TMEM132B: variants seen among roughly 807,000 people sequenced by gnomAD.
The protein encoded by TMEM132B is transmembrane protein 132B.
A neutral mutation model predicts 90.8 loss-of-function variants in TMEM132B; 18 were observed. The ratio of observed to expected loss-of-function variants is 0.20; its 90% CI spans 0.14 to 0.29. The LOEUF is 0.29. TMEM132B is among the 10% of genes least tolerant of loss of function. The probability of loss-of-function intolerance (pLI) is 1.00; values close to 1 mark genes in which losing one functional copy is unlikely to be tolerated. For synonymous variants in TMEM132B, 504 were observed against 523.3 expected, an observed-to-expected ratio of 0.96 and a Z score of 0.50; for missense variants, 1,096 against 1,326.8, an observed-to-expected ratio of 0.83 and a Z score of 2.70.
chr12:125,248,654 T>C (rs1874255138), intron 1 of TMEM132B, among the ~76,000 whole-genome samples: 2 of 152,230 alleles, frequency 1.3e-5, no homozygotes, highest in Non-Finnish European at 1.5e-5. Flanking sequence ...GAAGTGTAGT[T>C]GATTCTGGCT....
intron 6 of TMEM132B, among the ~76,000 whole-genome samples, chr12:125,644,534 G>A (rs1334988385): frequency 2.6e-5 from 4 of 152,130 alleles, no homozygotes; most frequent in African/African-American, 9.7e-5. Context: ...TCAGTAAAAC[G>A]AATGCAATAC....
chr12:125,351,967 C>T (rs899284034), intron 2 of TMEM132B, among the ~76,000 whole-genome samples: 1 of 152,236 alleles, frequency 6.6e-6, no homozygotes, highest in Non-Finnish European at 1.5e-5. Context: ...CACCTTCCAC[C>T]TGCCAGTCTC....
chr12:125,220,662 TCAGG>T (rs1873536524), intron 1 of TMEM132B, among the ~76,000 whole-genome samples: 1 of 152,138 alleles, frequency 6.6e-6, no homozygotes. Context: ...CGCTCTGTGG[TCAGG>T]CAGTCAATCA....
chr12:125,604,301 A>G (rs1450707150), intron 5 of TMEM132B, among the ~76,000 whole-genome samples: 3 of 152,220 alleles, frequency 2.0e-5, no homozygotes, highest in Non-Finnish European at 4.4e-5. Flanking sequence ...TTTCAGGGAC[A>G]TGGATGAAGC....
chr12:125,385,069 A>T (rs543608805), intron 2 of TMEM132B, among the ~76,000 whole-genome samples: 16 of 152,326 alleles, frequency 1.1e-4, no homozygotes, highest in African/African-American at 3.8e-4. Context: ...ATTCCACATA[A>T]AAGTGAGATC....
chr12:125,547,980 A>G (rs926093955), intron 4 of TMEM132B, among the ~76,000 whole-genome samples: 2 of 152,192 alleles, frequency 1.3e-5, no homozygotes, highest in African/African-American at 2.4e-5. Context: ...ATCTGATATT[A>G]TCTGGATGAT....
chr12:125,393,446 A>G lies in TMEM132B; in HGVS notation c.960-22085A>G, dbSNP rs188949347. On this transcript the variant is annotated intron_variant, in intron 2 of 8. Transcript: ENST00000682704. ...GACGCAATACAAGAAAACAACAACA[A>G]CAACAACCTGGTTTTGTGTACCTGG... is the stretch of plus-strand genomic sequence containing the variant. 1.8e-4 allele frequency among the ~76,000 whole-genome samples: 28 copies of G among 152,312 alleles called. No homozygotes were observed. In the East Asian group the frequency reaches 5.0e-3, roughly 27 times the overall value.
At position 125,445,676 on chromosome 12, in the gene TMEM132B, G is replaced by T. The variant is rs1880987506; in HGVS notation, c.1106+29999G>T. Among the ~76,000 whole-genome samples, 1 of 152,218 alleles carries T rather than the reference G, an allele frequency of 6.6e-6. No individual in the cohort carries two copies. Among genetic ancestry groups the T allele is most frequent in the Admixed American group, 6.5e-5 (1 of 15,290 alleles). ...CTTGGCAAGCTCACAAGCTGGCCAG[G>T]CCTGGGTACCATCTTGTTGGGGCCT... On this transcript the variant is annotated intron_variant, in intron 3 of 8. Transcript: ENST00000682704. The surrounding 1 kb of genome is among the most constrained non-coding windows in gnomAD (Gnocchi z 4.3).
In TMEM132B at chr12:125,651,067, C is replaced by T. The variant is rs368361231; in HGVS notation, c.1914+114C>T. ...ATGTGCATGTGGACATGTATATCAA[C>T]GTGTGTCACTGTGCATGTATTGCCT... On this transcript the variant is annotated intron_variant, in intron 7 of 8. Transcript: ENST00000682704. The T allele has an allele frequency of 4.1e-5, 57 of 1,389,158 alleles. No individual in the cohort carries two copies. In the African/African-American group the frequency reaches 4.4e-4, roughly 11 times the overall value. 86.1% of individuals were successfully genotyped at this position (1,389,158 alleles called of 1,614,324 possible).
At chr12:125,239,146 G>A (rs1289694209) in intron 1 of TMEM132B, among the ~76,000 whole-genome samples, 1 of 152,046 alleles carries the variant, frequency 6.6e-6, no homozygotes, top group Non-Finnish European at 1.5e-5. Context: ...GTTTTGGGGT[G>A]GGGAAAGAGA....
At chr12:125,244,643 G>A (rs564894016) in intron 1 of TMEM132B, among the ~76,000 whole-genome samples, 2 of 152,346 alleles carry the variant, frequency 1.3e-5, no homozygotes, top group East Asian at 3.9e-4. Context: ...GGTTCCGACT[G>A]TGCTGGCTTA....
intron 3 of TMEM132B, among the ~76,000 whole-genome samples, chr12:125,485,755 G>T (rs12322943): frequency 0.018 from 2,742 of 152,272 alleles, 85 homozygotes; most frequent in African/African-American, 0.063. Context: ...CACTGTGATG[G>T]GTTAGGCAGG....
intron 1 of TMEM132B, among the ~76,000 whole-genome samples, chr12:125,313,037 C>G (rs914141886): frequency 6.6e-6 from 1 of 152,050 alleles, no homozygotes; most frequent in African/African-American, 2.4e-5. Context: ...TATTGGACAC[C>G]CCTCGTGTGA....
chr12:125,300,232 C>T (rs188319095), intron 1 of TMEM132B, among the ~76,000 whole-genome samples: 36 of 152,238 alleles, frequency 2.4e-4, no homozygotes, highest in African/African-American at 7.5e-4. Context: ...GATAAGGTCT[C>T]GCTGTGCTGC....
intron 4 of TMEM132B, among the ~76,000 whole-genome samples, chr12:125,568,644 C>T (rs1297554927): frequency 2.0e-5 from 3 of 152,220 alleles, no homozygotes; most frequent in East Asian, 1.9e-4. Flanking sequence ...TTCTTCCCCC[C>T]TCTGGCTCTT....
intron 4 of TMEM132B, among the ~76,000 whole-genome samples, chr12:125,566,107 T>G (rs1245985255): frequency 1.3e-5 from 2 of 152,220 alleles, no homozygotes; most frequent in African/African-American, 4.8e-5. Context: ...TACTTACCAG[T>G]TCTGCACCAT....
intron 3 of TMEM132B, among the ~76,000 whole-genome samples, chr12:125,486,143 C>G: frequency 6.6e-6 from 1 of 152,184 alleles, no homozygotes; most frequent in East Asian, 1.9e-4. Flanking sequence ...CTAGACCTGT[C>G]CAGTTAAAAT....
chr12:125,261,211 C>T (rs974856947), intron 1 of TMEM132B, among the ~76,000 whole-genome samples: 1 of 152,018 alleles, frequency 6.6e-6, no homozygotes, highest in African/African-American at 2.4e-5. Flanking sequence ...TTTTCAGTGC[C>T]CATTTTTTCT....
At position 125,350,065 on chromosome 12, in the gene TMEM132B, C is replaced by T; in HGVS notation, c.681C>T (p.Tyr227=). 3 of 1,614,240 alleles carry T rather than the reference C, an allele frequency of 1.9e-6. No homozygotes were observed. Among genetic ancestry groups the T allele is most frequent in the Non-Finnish European group, 2.5e-6 (3 of 1,180,048 alleles). ...GTTMELFFTL[Y]PADKAGQCPL... is the part of the protein sequence containing the mutation. ...CGATGGAGCTCTTCTTCACGCTCTA[C>T]CCAGCTGACAAGGCTGGCCAGTGTC... The change falls in exon 2 of 9, where the codon TAC becomes TAT. Residue 227 remains tyrosine (Y), a synonymous_variant. Transcript: ENST00000682704.
Sources: allele counts gnomAD v4.1 joint callset (sites outside exome capture counted in the v4.1 genomes callset), GRCh38; gene constraint gnomAD v4.1.1; non-coding constraint Gnocchi (gnomAD v3.1); transcripts MANE v1.5; gene names NCBI Gene and HGNC (gene_info 2026-07-23, HGNC 2026-07-21).